The following RAD17 variants were observed in gnomAD, a reference collection of about 807,000 sequenced individuals.
RAD17 encodes the protein RAD17 checkpoint clamp loader component.
A neutral mutation model predicts 81.5 loss-of-function variants in RAD17; 31 were observed. That is an observed-to-expected ratio of 0.38 (90% CI 0.29 to 0.51). The LOEUF (loss-of-function observed/expected upper bound fraction) is 0.51, where lower values mean the gene tolerates loss of function less well. Among genes scored for constraint, RAD17 ranks in the 20% least tolerant of loss-of-function variants. The probability of loss-of-function intolerance (pLI) is 0.88; values close to 1 mark genes in which losing one functional copy is unlikely to be tolerated. For synonymous variants in RAD17, 261 were observed against 266.2 expected (o/e 0.98, Z 0.19); for missense variants, 681 against 781.2 (o/e 0.87, Z 1.53).
intron 18 of RAD17, among the ~76,000 whole-genome samples, chr5:69,413,612 G>A (rs1239080432): frequency 6.6e-6 from 1 of 152,136 alleles, no homozygotes; most frequent in East Asian, 1.9e-4. Context: ...TTGGCTCACT[G>A]CAGCTTCTGC....
At chr5:69,400,227 T>TATTTATTG (rs1765176512) in intron 17 of RAD17, 58 bp downstream of exon 17, 2 of 1,172,766 alleles carry the variant, frequency 1.7e-6, no homozygotes, top group Non-Finnish European at 2.2e-6. Flanking sequence ...TTTATTTATT[T>TATTTATTG]ATTTTATTTT....
Position 69,371,092 on chromosome 5 carries a change from C to T in RAD17, c.-359C>T. The T allele has an allele frequency of 4.6e-6, 2 of 435,560 alleles. No homozygotes were observed. Among genetic ancestry groups the T allele is most frequent in the Non-Finnish European group, 8.9e-6 (2 of 224,270 alleles). The allele number at this position is 435,560 out of a possible 1,614,324, so 27.0% of individuals were successfully genotyped here. ...AAATACTGGAAATGAAGACCTGCAA[C>T]TGTAATTTGAAATAAGGAAAACTTT... is the stretch of plus-strand genomic sequence containing the variant. On this transcript the variant is annotated 5_prime_UTR_variant, in exon 2 of 19. Transcript: ENST00000354868.
intron 15 of RAD17, among the ~76,000 whole-genome samples, chr5:69,393,908 G>GTTT (rs34500104): frequency 0.41 from 30,015 of 72,864 alleles, 5,811 homozygotes; most frequent in South Asian, 0.45. Context: ...TGTTATGGTG[G>GTTT]TTTTTTTTTT....
intron 17 of RAD17, among the ~76,000 whole-genome samples, chr5:69,407,561 A>ATTTT: frequency 1.4e-5 from 1 of 69,198 alleles, no homozygotes; most frequent in Non-Finnish European, 3.6e-5. Flanking sequence ...TCTATGTCCA[A>ATTTT]GTTTTTTTTT....
chr5:69,388,908 C>G lies in RAD17; in HGVS notation c.895-126C>G, dbSNP rs1764376476. 7 of 518,914 alleles carry G rather than the reference C, an allele frequency of 1.3e-5. No homozygotes were observed. In the South Asian group the frequency reaches 2.1e-4, roughly 15 times the overall value. The allele number at this position is 518,914 out of a possible 1,614,324, so 32.1% of individuals were successfully genotyped here. A position where few individuals can be genotyped will look rare whatever the true frequency, so the allele number is the denominator to read the frequency against. On this transcript the variant is annotated intron_variant, in intron 11 of 18. Transcript: ENST00000354868. ...TAGGAATGTGCCACCGTGCCCAGCC[C>G]TTTTTAGTATTTAAGTTTAAAAGAA...
At chr5:69,372,457 A>G (rs906968341) in intron 4 of RAD17, among the ~76,000 whole-genome samples, 33 of 152,228 alleles carry the variant, frequency 2.2e-4, no homozygotes, top group Non-Finnish European at 4.3e-4. Context: ...AAAGAAATAT[A>G]TAACTTGGTT....
chr5:69,369,893 G>T lies in RAD17; in HGVS notation c.-457G>T. The T allele has an allele frequency of 1.7e-6, 1 of 597,242 alleles. No homozygotes were observed. Among genetic ancestry groups the T allele is most frequent in the Non-Finnish European group, 2.9e-6 (1 of 341,132 alleles). The allele number at this position is 597,242 out of a possible 1,614,324, so 37.0% of individuals were successfully genotyped here. On this transcript the variant is annotated 5_prime_UTR_variant, in exon 1 of 19. Coordinates refer to ENST00000354868, the MANE Select transcript of RAD17 (RefSeq NM_133338.3). The stretch of plus-strand genomic sequence containing the variant: ...CTTTCACCTAGGGTAGTCCCTGGTC[G>T]CCTCCGCTCTTCGCCTAAAAGGGGA...
At chr5:69,379,079 TAA>T (rs2150790596) in intron 6 of RAD17, among the ~76,000 whole-genome samples, 1 of 152,140 alleles carries the variant, frequency 6.6e-6, no homozygotes, top group South Asian at 2.1e-4. Flanking sequence ...CCATCTCTAC[TAA>T]AAATGCAAAA....
intron 5 of RAD17, 103 bp downstream of exon 5, chr5:69,374,190 G>C: frequency 9.4e-7 from 1 of 1,066,762 alleles, no homozygotes; most frequent in South Asian, 1.7e-5. Context: ...TTACTCATAA[G>C]AATCTTTCTA....
chr5:69,381,703 G>A (rs1214856965), intron 6 of RAD17, among the ~76,000 whole-genome samples, 198 bp from the exon 7 acceptor site: 1 of 151,850 alleles, frequency 6.6e-6, no homozygotes, highest in East Asian at 1.9e-4. Context: ...TGGAAAAGGG[G>A]GGAAAAAGGC....
At chr5:69,397,511 C>A (rs946178768) in intron 16 of RAD17, among the ~76,000 whole-genome samples, 3 of 152,056 alleles carry the variant, frequency 2.0e-5, no homozygotes, top group African/African-American at 7.2e-5. Flanking sequence ...CACCTGTAAT[C>A]CCAGCACTGT....
intron 7 of RAD17, 89 bp from the exon 8 acceptor site, chr5:69,384,708 C>T: frequency 8.5e-7 from 1 of 1,180,430 alleles, no homozygotes. Flanking sequence ...TTGTGAGATG[C>T]ATCAAGTATG....
rs56385833 is a variant in RAD17, at chr5:69,373,686, AT to A, written c.10-114del. 1,327 of 251,764 alleles carry A rather than the reference AT, an allele frequency of 5.3e-3. 9 individuals are homozygous for A. Among genetic ancestry groups the A allele is most frequent in the African/African-American group, 0.034 (678 of 19,960 alleles). 15.6% of individuals were successfully genotyped at this position (251,764 alleles called of 1,614,324 possible). A position where few individuals can be genotyped will look rare whatever the true frequency, so the allele number is the denominator to read the frequency against. On this transcript the variant is annotated intron_variant, in intron 4 of 18. Coordinates refer to ENST00000354868, the MANE Select transcript of RAD17 (RefSeq NM_133338.3). Reference sequence around the variant, plus strand: ...CAGAGTGAGACCCGGTCTCAAAAAAATTTTTTTTTTTTTTTTTTTTTTTTTT... The same window carrying A: ...CAGAGTGAGACCCGGTCTCAAAAAAATTTTTTTTTTTTTTTTTTTTTTTTT...
At position 69,414,102 on chromosome 5, in the gene RAD17, T is replaced by G. The variant is rs1766220894; in HGVS notation, c.1823T>G (p.Leu608Arg). 1 of 1,614,144 alleles carries G rather than the reference T, an allele frequency of 6.2e-7. No homozygotes were observed. The highest frequency in any genetic ancestry group is 8.5e-7 in the Non-Finnish European group (1 of 1,180,056). The change falls in exon 19 of 19, where the codon CTT becomes CGT. Residue 608 changes from leucine to arginine, a missense_variant. By Grantham distance (102) the Leu-to-Arg change is moderately radical. Transcript: ENST00000354868. ...CCTGACAGCGGAGATGAAGCCCAGCTTAATGGAGGACATTCTGCAGAGGAA... is the reference window on the plus strand; with the variant it reads ...CCTGACAGCGGAGATGAAGCCCAGCGTAATGGAGGACATTCTGCAGAGGAA... ...IDPDSGDEAQLNGGHSAEESL... is the reference protein window; with the variant it reads ...IDPDSGDEAQRNGGHSAEESL...
rs1208764356 is a variant in RAD17, at chr5:69,382,029, A to T, written c.480A>T (p.Lys160Asn). The change falls in exon 7 of 19, where the codon AAA (lysine) becomes AAT (asparagine). Residue 160 changes from lysine (K) to asparagine (N), a missense_variant. By Grantham distance (94) the Lys-to-Asn change is moderately conservative. Transcript: ENST00000354868. The stretch of plus-strand genomic sequence containing the variant: ...ATCCAGTTTTACCAGACTTCCAAAA[A>T]GATGATTTCAAGGGGATGTTTAATA... ...WINPVLPDFQ[K>N]DDFKGMFNTE... 6.2e-7 allele frequency: 1 copy of T among 1,612,682 alleles called. No homozygotes were observed. The highest frequency in any genetic ancestry group is 1.3e-5 in the African/African-American group (1 of 74,906).
chr5:69,412,609 G>A (rs1005619067), intron 18 of RAD17, among the ~76,000 whole-genome samples: 1 of 151,968 alleles, frequency 6.6e-6, no homozygotes, highest in African/African-American at 2.4e-5. Context: ...TGCCAGTTTT[G>A]TATCCACTTA....
At chr5:69,376,339 T>C (rs1365640564) in intron 6 of RAD17, among the ~76,000 whole-genome samples, 2 of 152,246 alleles carry the variant, frequency 1.3e-5, no homozygotes, top group Admixed American at 6.5e-5. Context: ...AGTGACTTTC[T>C]TATAGTTCTG....
chr5:69,400,384 AT>A (rs1275577534), intron 17 of RAD17, among the ~76,000 whole-genome samples: 2 of 151,320 alleles, frequency 1.3e-5, no homozygotes, highest in Non-Finnish European at 3.0e-5. Context: ...CACCTGGCTA[AT>A]TTTTGTATTT....
chr5:69,406,266 T>C (rs1765597135), intron 17 of RAD17, among the ~76,000 whole-genome samples: 1 of 152,094 alleles, frequency 6.6e-6, no homozygotes, highest in Non-Finnish European at 1.5e-5. Flanking sequence ...GAAGACCTTA[T>C]TTGAAATGAA....
Sources: gnomAD v4.1 joint callset for allele counts (sites outside exome capture counted in the v4.1 genomes callset) on GRCh38, gnomAD v4.1.1 for gene constraint, MANE v1.5 for transcripts, NCBI Gene and HGNC (gene_info 2026-07-23, HGNC 2026-07-21) for gene names.